FAT2: variants seen among roughly 807,000 people sequenced by gnomAD.
FAT2 encodes protocadherin Fat 2.
FAT2 carries 150 observed loss-of-function variants against 295.3 expected under a neutral mutation model. That is an observed-to-expected ratio of 0.51 (90% CI 0.44 to 0.58). FAT2 has a LOEUF of 0.58. Ranked by LOEUF, FAT2 falls within the 20% of genes least tolerant of loss-of-function variation. The probability of loss-of-function intolerance (pLI) is 0.00; values close to 1 mark genes in which losing one functional copy is unlikely to be tolerated. For synonymous variants in FAT2, 2,026 were observed against 2,150.3 expected (o/e 0.94, Z 1.60); for missense variants, 4,868 against 5,442.7 (o/e 0.89, Z 3.32).
rs765845293 is a variant in FAT2, at chr5:151,567,986, A to G, written c.946T>C (p.Ser316Pro). ...YARSNEFSLVSVKDINWMEYL... is the reference protein window; with the variant it reads ...YARSNEFSLVPVKDINWMEYL... The stretch of plus-strand genomic sequence containing the variant: ...TCCATCCAGTTGATGTCTTTGACAG[A>G]CACCAAACTGAACTCATTGCTCCGG... Residue 316 changes from serine (S) to proline (P), a missense_variant, in exon 2 of 24, where the codon TCT becomes CCT. This residue lies in a region of FAT2 where 3,297 missense variants were observed against 3,669.4 expected (regional missense o/e 0.90). Transcript: ENST00000261800. 9.3e-6 allele frequency: 15 copies of G among 1,614,114 alleles called. No individual in the cohort carries two copies. The Admixed American group carries it at 2.3e-4, about 25-fold the overall frequency.
At chr5:151,532,007 G>A (rs777488676) in intron 13 of FAT2, 37 bp from the exon 14 acceptor site, 19 of 1,607,044 alleles carry the variant, frequency 1.2e-5, no homozygotes, top group Non-Finnish European at 1.4e-5. Flanking sequence ...CACACTGAGG[G>A]CGCCTCCTCT....
In FAT2 at chr5:151,507,419, T is replaced by C. The variant is rs2127564599; in HGVS notation, c.12252A>G (p.Pro4084=). Reference sequence around the variant, plus strand: ...CACCAACACTCCTGGCCAGGAGGTCTGGGTCCTCCATGGCCACAGGCTTGT... The same window carrying C: ...CACCAACACTCCTGGCCAGGAGGTCCGGGTCCTCCATGGCCACAGGCTTGT... ...KSHKPVAMED[P]DLLARSVGVD... is the part of the protein sequence containing the mutation. Residue 4084 remains proline (P), a synonymous_variant, in exon 23 of 24, where the codon CCA becomes CCG. Coordinates refer to ENST00000261800, the MANE Select transcript of FAT2 (RefSeq NM_001447.3). 1 of 1,614,162 alleles carries C rather than the reference T, an allele frequency of 6.2e-7. No individual in the cohort carries two copies. Among genetic ancestry groups the C allele is most frequent in the Non-Finnish European group, 8.5e-7 (1 of 1,180,024 alleles).
chr5:151,544,496 C>T lies in FAT2; in HGVS notation c.6631G>A (p.Glu2211Lys). 6.2e-7 allele frequency: 1 copy of T among 1,614,168 alleles called. No homozygotes were observed. Among genetic ancestry groups the T allele is most frequent in the South Asian group, 1.1e-5 (1 of 91,072 alleles). The change falls in exon 10 of 24, where the codon GAA becomes AAA. Residue 2211 changes from glutamate to lysine, a missense_variant. By Grantham distance (56) the Glu-to-Lys change is moderately conservative. Around this residue, in one of 5 missense-constraint regions of FAT2, gnomAD observed 3,297 missense variants for 3,669.4 expected, o/e 0.90. Transcript: ENST00000261800. ...TCAGTGGTGAACAGCATCAAGGGTT[C>T]TTCCTCCACAATGTTGTAGATGAGC... ...LRLIYNIVEEEPLMLFTTDFK... is the reference protein window; with the variant it reads ...LRLIYNIVEEKPLMLFTTDFK...
chr5:151,554,092 G>A (rs1361522979), intron 5 of FAT2, among the ~76,000 whole-genome samples: 1 of 152,182 alleles, frequency 6.6e-6, no homozygotes, highest in Non-Finnish European at 1.5e-5. Flanking sequence ...CAGGCTTATT[G>A]GTTCCAAAGC....
At chr5:151,583,452 C>T (rs376484172) in intron 1 of FAT2, among the ~76,000 whole-genome samples, 15 of 152,238 alleles carry the variant, frequency 9.9e-5, no homozygotes, top group African/African-American at 3.6e-4. Flanking sequence ...TTAAAAAGTA[C>T]ATACTGTGGT....
Position 151,505,179 on chromosome 5 carries a change from G to A in FAT2, c.*386C>T. 2 of 301,210 alleles carry A rather than the reference G, an allele frequency of 6.6e-6. No homozygotes were observed. The highest frequency in any genetic ancestry group is 1.3e-5 in the Non-Finnish European group (2 of 159,784). The allele number at this position is 301,210 out of a possible 1,614,324, so 18.7% of individuals were successfully genotyped here. A position where few individuals can be genotyped will look rare whatever the true frequency, so the allele number is the denominator to read the frequency against. On this transcript the variant is annotated 3_prime_UTR_variant, in exon 24 of 24. Transcript: ENST00000261800. ...GCCTGCCTCCAAAATGGAGCTGTGG[G>A]CAGGTATGAGAATGCATCTTGGTGA... is the stretch of plus-strand genomic sequence containing the variant.
intron 20 of FAT2, among the ~76,000 whole-genome samples, chr5:151,515,021 C>T (rs1214808987): frequency 6.6e-6 from 1 of 152,052 alleles, no homozygotes; most frequent in Non-Finnish European, 1.5e-5. Flanking sequence ...GTTTTCCAGC[C>T]AGATATTTTC....
intron 1 of FAT2, among the ~76,000 whole-genome samples, chr5:151,573,172 A>T (rs1014053486): frequency 2.6e-5 from 4 of 152,150 alleles, no homozygotes; most frequent in African/African-American, 9.7e-5. Flanking sequence ...TGGCTGTGTG[A>T]CCTTGGGCAA....
intron 23 of FAT2, among the ~76,000 whole-genome samples, chr5:151,506,634 T>A (rs1244337904): frequency 6.6e-6 from 1 of 152,234 alleles, no homozygotes; most frequent in Admixed American, 6.5e-5. Context: ...GTTTCCGTAT[T>A]TGACACATAG....
rs368672824 is a variant in FAT2 at position 151,529,377 on chromosome 5, T to C, written c.9827A>G (p.Asn3276Ser). The C allele has an allele frequency of 1.1e-5, 17 of 1,613,650 alleles. No individual in the cohort carries two copies. In the African/African-American group the frequency reaches 1.2e-4, roughly 11 times the overall value. Residue 3276 changes from asparagine to serine, a missense_variant, in exon 15 of 24, where the codon AAC (asparagine) becomes AGC (serine). Coordinates refer to ENST00000261800, the MANE Select transcript of FAT2 (RefSeq NM_001447.3). ...LDARTGILYVNASLDFETSPK... is the reference protein window; with the variant it reads ...LDARTGILYVSASLDFETSPK... ...GCTTGTCTCAAAGTCCAGGCTTGCG[T>C]TGACATACAGGATCCCTGAAGAAGC...
chr5:151,535,600 T>C (rs1755187604), intron 12 of FAT2, among the ~76,000 whole-genome samples: 1 of 152,216 alleles, frequency 6.6e-6, no homozygotes, highest in South Asian at 2.1e-4. Context: ...AATAAACCAG[T>C]AAACACAAGT....
At chr5:151,517,331 T>C (rs1052844642) in intron 20 of FAT2, among the ~76,000 whole-genome samples, 2 of 152,172 alleles carry the variant, frequency 1.3e-5, no homozygotes, top group Non-Finnish European at 2.9e-5. Flanking sequence ...TCAGCAAAAA[T>C]GATAACGGCA....
intron 19 of FAT2, among the ~76,000 whole-genome samples, chr5:151,518,382 A>ATAAT (rs1753103394): frequency 1.6e-5 from 1 of 63,470 alleles, no homozygotes; most frequent in African/African-American, 6.2e-5. Context: ...ATAATTTTTA[A>ATAAT]AAGAAAGTAA....
chr5:151,532,498 T>C (rs1263825809), intron 13 of FAT2, among the ~76,000 whole-genome samples: 1 of 152,106 alleles, frequency 6.6e-6, no homozygotes, highest in African/African-American at 2.4e-5. Context: ...CCAATGTCAG[T>C]TTTCCAGTTT....
chr5:151,547,570 A>T (rs183302950), intron 9 of FAT2, among the ~76,000 whole-genome samples: 145 of 152,296 alleles, frequency 9.5e-4, no homozygotes, highest in Non-Finnish European at 1.5e-3. Flanking sequence ...AAAACTTTCA[A>T]TCTGATTCTT....
At chr5:151,532,019 G>C (rs771453685) in intron 13 of FAT2, 49 bp from the exon 14 acceptor site, 1 of 1,594,072 alleles carries the variant, frequency 6.3e-7, no homozygotes, top group Non-Finnish European at 8.5e-7. Flanking sequence ...GCCTCCTCTG[G>C]ACCTGCCTGC....
intron 6 of FAT2, among the ~76,000 whole-genome samples, chr5:151,552,571 G>A (rs1757316021): frequency 6.6e-6 from 1 of 152,160 alleles, no homozygotes; most frequent in Non-Finnish European, 1.5e-5. Flanking sequence ...ATTTACATTT[G>A]TGTGTGTTTG....
Position 151,544,978 on chromosome 5 carries a change from C to T in FAT2, c.6149G>A (p.Arg2050Gln), listed in dbSNP as rs61743243. ...GACTCTGACCAAACCCTGAGCCACC[C>T]GCTGAGGTGTCCGATTGTCCCTCAC... Reference protein sequence around the residue: ...VEVRDNRTPQRVAQGLVRVSI... With the variant: ...VEVRDNRTPQQVAQGLVRVSI... Residue 2050 changes from arginine (R) to glutamine (Q), a missense_variant, in exon 10 of 24, where the codon CGG (arginine) becomes CAG (glutamine). Physicochemically the swap from Arg to Gln is conservative, Grantham distance 43 (BLOSUM62 1). Around this residue, in one of 5 missense-constraint regions of FAT2, gnomAD observed 3,297 missense variants for 3,669.4 expected, o/e 0.90. Transcript: ENST00000261800. 5.1e-4 allele frequency: 821 copies of T among 1,614,172 alleles called. 8 individuals carry two copies. In the South Asian group the frequency reaches 5.3e-3, roughly 10 times the overall value.
In FAT2 at chr5:151,507,187, C is replaced by G; in HGVS notation, c.12484G>C (p.Val4162Leu). Residue 4162 changes from valine to leucine, a missense_variant, in exon 23 of 24, where the codon GTC (valine) becomes CTC (leucine). By Grantham distance (32) the Val-to-Leu change is conservative. Around this residue, in one of 5 missense-constraint regions of FAT2, gnomAD observed 492 missense variants for 482.6 expected, o/e 1.02. Transcript: ENST00000261800. ...TCGCTGGACCAGGTTCTCTTAATGACAGGCTCATTGTCAGAGTGGGAAGGG... is the reference window on the plus strand; with the variant it reads ...TCGCTGGACCAGGTTCTCTTAATGAGAGGCTCATTGTCAGAGTGGGAAGGG... The part of the protein sequence containing the change: ...AVPSHSDNEP[V>L]IKRTWSSEEM... 6.2e-7 allele frequency: 1 copy of G among 1,602,564 alleles called. No individual in the cohort carries two copies. Among genetic ancestry groups the G allele is most frequent in the Non-Finnish European group, 8.5e-7 (1 of 1,173,462 alleles).
Sources: gnomAD v4.1 joint callset for allele counts (sites outside exome capture counted in the v4.1 genomes callset) on GRCh38, gnomAD v4.1.1 for gene constraint, gnomAD v4.1.1 regional missense constraint, MANE v1.5 for transcripts, NCBI Gene and HGNC (gene_info 2026-07-23, HGNC 2026-07-21) for gene names.